Variants in CLDN14 observed in about 807,000 individuals in gnomAD.
CLDN14 encodes the protein claudin 14.
Under a neutral mutation model 2.1 loss-of-function variants are expected in CLDN14, and 2 were observed. That is an observed-to-expected ratio of 0.96 (90% CI 0.39 to 3.01). The LOEUF (loss-of-function observed/expected upper bound fraction) is 3.01. Among genes scored for constraint, CLDN14 ranks in the 30% most tolerant of loss-of-function variants. The pLI, the probability that CLDN14 is intolerant of heterozygous loss-of-function variation, is 0.09. For synonymous variants in CLDN14, 136 were observed against 154.4 expected (o/e 0.88, Z 0.88); for missense variants, 298 against 328.0 (o/e 0.91, Z 0.71).
intron 1 of CLDN14, among the ~76,000 whole-genome samples, chr21:36,539,294 G>T (rs2087458558): frequency 2.0e-5 from 3 of 152,196 alleles, no homozygotes; most frequent in Admixed American, 2.0e-4. Context: ...CAAAAAATAC[G>T]TGTGTGGTGT....
At chr21:36,563,618 A>G (rs2087652799) in intron 1 of CLDN14, among the ~76,000 whole-genome samples, 1 of 152,216 alleles carries the variant, frequency 6.6e-6, no homozygotes, top group Non-Finnish European at 1.5e-5. Context: ...ATGTGCTTAA[A>G]GAGGAATTTT....
chr21:36,469,911 A>C (rs2146429944), intron 1 of CLDN14, among the ~76,000 whole-genome samples: 1 of 152,280 alleles, frequency 6.6e-6, no homozygotes, highest in Non-Finnish European at 1.5e-5. Context: ...TTTCCCGACA[A>C]GACAGTCAGG....
rs949539853 is a variant in CLDN14, at chr21:36,499,256, T to G, written c.-82+11107A>C. ...CATTGCTTTCAGCTTTCTCCAAGGT[T>G]TTTGTTTGTTTGTTTGTCGGTCTTA... On this transcript the variant is annotated intron_variant, in intron 2 of 2. Transcript: ENST00000342108. The surrounding 1 kb of genome is among the most constrained non-coding windows in gnomAD (Gnocchi z 4.7). Among the ~76,000 whole-genome samples the G allele has an allele frequency of 6.6e-6, 1 of 152,108 alleles. No individual in the cohort carries two copies. The highest frequency in any genetic ancestry group is 1.5e-5 in the Non-Finnish European group (1 of 68,018).
chr21:36,517,872 C>T lies in CLDN14; in HGVS notation c.-219-7372G>A, dbSNP rs186098489. ...CGCTCCCTAATGTGGGTGGGGCTCA[C>T]CCAATCAGTTGAAGGCAGGAATAGA... On this transcript the variant is annotated intron_variant, in intron 1 of 2. Coordinates refer to the CLDN14 transcript ENST00000342108. 6.6e-5 allele frequency among the ~76,000 whole-genome samples: 10 copies of T among 152,232 alleles called. No individual in the cohort carries two copies. In the East Asian group the frequency reaches 1.9e-3, roughly 29 times the overall value.
chr21:36,525,617 G>T (rs2087320386), intron 1 of CLDN14, among the ~76,000 whole-genome samples: 1 of 152,126 alleles, frequency 6.6e-6, no homozygotes, highest in Admixed American at 6.5e-5. Flanking sequence ...GGTGTGAATG[G>T]TGACTTCCAA....
upstream of CLDN14, among the ~76,000 whole-genome samples, chr21:36,484,432 C>T (rs2086875412): frequency 6.6e-6 from 1 of 152,098 alleles, no homozygotes; most frequent in Non-Finnish European, 1.5e-5. Context: ...AGGCTTGAGA[C>T]AACAGACATT....
intron 1 of CLDN14, among the ~76,000 whole-genome samples, chr21:36,549,824 T>C (rs2087551312): frequency 6.6e-6 from 1 of 152,198 alleles, no homozygotes; most frequent in African/African-American, 2.4e-5. Context: ...GCCACATTCC[T>C]ACTCGCAATC....
chr21:36,572,580 C>T (rs915273149), intron 1 of CLDN14, among the ~76,000 whole-genome samples: 2 of 152,214 alleles, frequency 1.3e-5, no homozygotes, highest in African/African-American at 4.8e-5. Context: ...GGCATCATTT[C>T]TTATCAGTCT....
At chr21:36,468,183 G>A (rs144837778) in intron 1 of CLDN14, among the ~76,000 whole-genome samples, 56 of 152,304 alleles carry the variant, frequency 3.7e-4, no homozygotes, top group Admixed American at 6.5e-4. Context: ...GCCCTTCAAC[G>A]TTGATGTTCA....
At chr21:36,533,161 C>T (rs743426) in intron 1 of CLDN14, among the ~76,000 whole-genome samples, 52,802 of 152,066 alleles carry the variant, frequency 0.35, 11,033 homozygotes, top group African/African-American at 0.59. Flanking sequence ...CAGGGCTTAG[C>T]TCGGGTGGGG....
intron 1 of CLDN14, among the ~76,000 whole-genome samples, chr21:36,523,982 C>T (rs531499285): frequency 6.6e-6 from 1 of 152,034 alleles, no homozygotes; most frequent in Non-Finnish European, 1.5e-5. Context: ...AATGCCAGTT[C>T]CAAACACTGA....
At chr21:36,570,040 A>G (rs536323625) in intron 1 of CLDN14, among the ~76,000 whole-genome samples, 3 of 152,344 alleles carry the variant, frequency 2.0e-5, no homozygotes, top group African/African-American at 7.2e-5. Context: ...TTATGGAGAC[A>G]CGAGACATCT....
chr21:36,519,437 C>T (rs954243067), intron 1 of CLDN14, among the ~76,000 whole-genome samples: 31 of 152,166 alleles, frequency 2.0e-4, no homozygotes, highest in African/African-American at 6.5e-4. Flanking sequence ...ATTAGCCAGA[C>T]GTGGTGGCTC....
chr21:36,504,244 G>A (rs2087112874), intron 2 of CLDN14, among the ~76,000 whole-genome samples: 1 of 151,788 alleles, frequency 6.6e-6, no homozygotes, highest in South Asian at 2.1e-4. Flanking sequence ...TGAGGCTGAG[G>A]TAAAAGGATC....
rs188759404 is a variant in CLDN14, at chr21:36,498,820, C to T, written c.-82+11543G>A. 4.6e-5 allele frequency among the ~76,000 whole-genome samples: 7 copies of T among 152,120 alleles called. No homozygotes were observed. The highest frequency in any genetic ancestry group is 6.6e-5 in the Admixed American group (1 of 15,256). ...CTGCCTGGACACCATCAGCCCTGCA[C>T]GAAGGTGGCCGCTGAGGGGCCCTCA... On this transcript the variant is annotated intron_variant, in intron 2 of 2. Transcript: ENST00000342108. The surrounding 1 kb of genome is among the most constrained non-coding windows in gnomAD (Gnocchi z 4.9).
chr21:36,519,679 C>T (rs972138557), intron 1 of CLDN14, among the ~76,000 whole-genome samples: 15 of 152,060 alleles, frequency 9.9e-5, no homozygotes, highest in Admixed American at 1.3e-4. Context: ...CACTGCACTC[C>T]GGCCTGGGCA....
At chr21:36,535,957 C>A (rs2087421282) in intron 1 of CLDN14, among the ~76,000 whole-genome samples, 2 of 152,232 alleles carry the variant, frequency 1.3e-5, no homozygotes, top group Non-Finnish European at 2.9e-5. Flanking sequence ...TGCTCCCCCA[C>A]CCTCGGAAAG....
chr21:36,493,137 G>A (rs1040154672), intron 2 of CLDN14, among the ~76,000 whole-genome samples: 7 of 152,124 alleles, frequency 4.6e-5, no homozygotes, highest in Admixed American at 1.3e-4. Context: ...GCCCGCCCCC[G>A]GGGAGGAGGT....
intron 1 of CLDN14, among the ~76,000 whole-genome samples, chr21:36,512,561 C>T (rs1364154601): frequency 6.6e-6 from 1 of 152,136 alleles, no homozygotes; most frequent in East Asian, 1.9e-4. Flanking sequence ...TAATATTCAG[C>T]CATTAACATG....
Sources: gnomAD v4.1 joint callset for allele counts (sites outside exome capture counted in the v4.1 genomes callset) on GRCh38, gnomAD v4.1.1 for gene constraint, Gnocchi (gnomAD v3.1) non-coding constraint, MANE v1.5 for transcripts, NCBI Gene and HGNC (gene_info 2026-07-23, HGNC 2026-07-21) for gene names.